MAPK10: variants seen among roughly 807,000 people sequenced by gnomAD.
The protein encoded by MAPK10 is mitogen-activated protein kinase 10.
A neutral mutation model predicts 59.3 loss-of-function variants in MAPK10; 25 were observed. The ratio of observed to expected loss-of-function variants is 0.42; its 90% CI spans 0.31 to 0.59. MAPK10 has a LOEUF of 0.59. MAPK10 is among the 20% of genes least tolerant of loss of function. The pLI, the probability that MAPK10 is intolerant of heterozygous loss-of-function variation, is 0.15. For missense variants in MAPK10, 351 were observed against 568.9 expected, an observed-to-expected ratio of 0.62 and a Z score of 3.90; for synonymous variants, 190 against 200.5, an observed-to-expected ratio of 0.95 and a Z score of 0.44.
chr4:86,296,342 AG>A (rs2095361535), intron 2 of MAPK10, among the ~76,000 whole-genome samples: 1 of 152,152 alleles, frequency 6.6e-6, no homozygotes, highest in Non-Finnish European at 1.5e-5. Flanking sequence ...CAGAAGTGGT[AG>A]GGAAGAACAG....
chr4:86,043,333 G>A (rs1012539781), intron 11 of MAPK10, among the ~76,000 whole-genome samples: 1 of 152,170 alleles, frequency 6.6e-6, no homozygotes, highest in Non-Finnish European at 1.5e-5. Flanking sequence ...ACATGCAGGG[G>A]TGCAGAAAGG....
chr4:86,421,465 G>A (rs913988893), intron 1 of MAPK10, among the ~76,000 whole-genome samples: 10 of 152,088 alleles, frequency 6.6e-5, no homozygotes, highest in South Asian at 6.2e-4. Flanking sequence ...TTCTAGCAGC[G>A]CCCCCTTGCA....
At chr4:86,119,339 C>A (rs900724661) in intron 4 of MAPK10, 1 of 152,168 alleles carries the variant, frequency 6.6e-6, no homozygotes, top group Non-Finnish European at 1.5e-5. Context: ...ATGTGGCTCA[C>A]GCCTGTAATC....
intron 2 of MAPK10, among the ~76,000 whole-genome samples, chr4:86,294,514 GC>G (rs2148827483): frequency 6.6e-6 from 1 of 150,810 alleles, no homozygotes; most frequent in South Asian, 2.1e-4. Flanking sequence ...CCAGAGAATT[GC>G]CCTCCTACTG....
intron 2 of MAPK10, among the ~76,000 whole-genome samples, chr4:86,222,294 C>T (rs962636514): frequency 1.3e-5 from 2 of 152,142 alleles, no homozygotes; most frequent in African/African-American, 4.8e-5. Context: ...ACACTCAAAT[C>T]CTCTCTTCTA....
chr4:86,544,963 AAG>A (rs1035003034), intron 1 of MAPK10, among the ~76,000 whole-genome samples: 6 of 152,160 alleles, frequency 3.9e-5, no homozygotes, highest in African/African-American at 1.2e-4. Context: ...GGAAGGGAGA[AAG>A]AGAGGAAGGG....
chr4:86,040,616 G>A (rs1226006430), intron 11 of MAPK10, among the ~76,000 whole-genome samples: 1 of 152,032 alleles, frequency 6.6e-6, no homozygotes, highest in Non-Finnish European at 1.5e-5. Context: ...TTCACGTAGA[G>A]GAAAGTTAAA....
chr4:86,127,709 A>G (rs939102155), intron 4 of MAPK10: 4 of 152,062 alleles, frequency 2.6e-5, no homozygotes, highest in Non-Finnish European at 5.9e-5. Flanking sequence ...GTGTGAGATT[A>G]ACAAATAGAT....
At chr4:86,281,493 C>A (rs903048569) in intron 2 of MAPK10, among the ~76,000 whole-genome samples, 1 of 147,924 alleles carries the variant, frequency 6.8e-6, no homozygotes, top group Non-Finnish European at 1.5e-5. Flanking sequence ...CAGAGCAAGA[C>A]CCCCTCAAAA....
chr4:86,233,104 T>C (rs944471833), intron 2 of MAPK10, among the ~76,000 whole-genome samples: 6 of 152,184 alleles, frequency 3.9e-5, no homozygotes, highest in African/African-American at 1.4e-4. Context: ...CCAAAGAGTT[T>C]AGATGTCTTG....
At chr4:86,387,769 T>C (rs1741683348) in intron 1 of MAPK10, among the ~76,000 whole-genome samples, 2 of 151,982 alleles carry the variant, frequency 1.3e-5, no homozygotes, top group African/African-American at 2.4e-5. Flanking sequence ...TTTTTTCAAG[T>C]AGTGAGTCTT....
At chr4:86,253,385 C>G (rs182283146) in intron 2 of MAPK10, among the ~76,000 whole-genome samples, 1 of 117,600 alleles carries the variant, frequency 8.5e-6, no homozygotes, top group Non-Finnish European at 1.6e-5. Context: ...TAGCATGAAG[C>G]GTTGTTGAAT....
intron 2 of MAPK10, among the ~76,000 whole-genome samples, chr4:86,227,355 TG>T (rs774931367): frequency 1.1e-4 from 17 of 151,284 alleles, no homozygotes; most frequent in Non-Finnish European, 1.9e-4. Context: ...GGCTTGGTGG[TG>T]GGTGCCTGTG....
intron 1 of MAPK10, among the ~76,000 whole-genome samples, chr4:86,502,784 G>T (rs997911827): frequency 6.6e-6 from 1 of 151,914 alleles, no homozygotes; most frequent in African/African-American, 2.4e-5. Context: ...TTCAGTCAAC[G>T]TTTATCTCTC....
At chr4:86,071,170 T>G (rs1190220447) in intron 9 of MAPK10, among the ~76,000 whole-genome samples, 2 of 152,194 alleles carry the variant, frequency 1.3e-5, no homozygotes, top group South Asian at 2.1e-4. Flanking sequence ...TCATGTGTTT[T>G]TTGGCTGCAT....
At chr4:86,555,121 G>A (rs76353339) in intron 1 of MAPK10, among the ~76,000 whole-genome samples, 4,313 of 152,248 alleles carry the variant, frequency 0.028, 213 homozygotes, top group African/African-American at 0.098. Context: ...GTTTATTCAT[G>A]TGTTTGCCTT....
At chr4:86,551,210 C>A (rs1390981963) in intron 1 of MAPK10, among the ~76,000 whole-genome samples, 2 of 152,158 alleles carry the variant, frequency 1.3e-5, no homozygotes, top group African/African-American at 4.8e-5. Flanking sequence ...TCAAATGAAA[C>A]CACTTCATTT....
intron 1 of MAPK10, among the ~76,000 whole-genome samples, chr4:86,509,912 T>G (rs1374563751): frequency 6.6e-6 from 1 of 152,230 alleles, no homozygotes; most frequent in African/African-American, 2.4e-5. Context: ...ATTGTGTGCA[T>G]GTATATGTGT....
At chr4:86,480,713 G>A (rs548049267) in intron 1 of MAPK10, among the ~76,000 whole-genome samples, 11 of 152,174 alleles carry the variant, frequency 7.2e-5, no homozygotes, top group Non-Finnish European at 1.6e-4. Flanking sequence ...GAGTGGAAAA[G>A]GTGATATCTT....
Sources: allele counts gnomAD v4.1 joint callset (sites outside exome capture counted in the v4.1 genomes callset), GRCh38; gene constraint gnomAD v4.1.1; transcripts MANE v1.5; gene names NCBI Gene and HGNC (gene_info 2026-07-23, HGNC 2026-07-21).